The following COL25A1 variants were observed in gnomAD, a reference collection of about 807,000 sequenced individuals.
COL25A1 encodes the protein collagen alpha-1(XXV) chain.
Under a neutral mutation model 128.4 loss-of-function variants are expected in COL25A1, and 103 were observed. That is an observed-to-expected ratio of 0.80 (90% CI 0.68 to 0.94). COL25A1 has a LOEUF of 0.94. COL25A1 is among the 40% of genes least tolerant of loss of function. The pLI, the probability that COL25A1 is intolerant of heterozygous loss-of-function variation, is 0.00. For missense variants in COL25A1, 745 were observed against 840.0 expected, an observed-to-expected ratio of 0.89 and a Z score of 1.40; for synonymous variants, 279 against 277.2, an observed-to-expected ratio of 1.01 and a Z score of -0.06.
chr4:109,085,408 C>T (rs1011666768), intron 3 of COL25A1, among the ~76,000 whole-genome samples: 2 of 152,112 alleles, frequency 1.3e-5, no homozygotes, highest in Non-Finnish European at 2.9e-5. Flanking sequence ...GTCTATTCTG[C>T]GATATATCTT....
At chr4:109,256,085 G>GGGGTGT (rs369220694) in intron 3 of COL25A1, among the ~76,000 whole-genome samples, 4 of 143,240 alleles carry the variant, frequency 2.8e-5, no homozygotes, top group African/African-American at 5.3e-5. Flanking sequence ...TTTAAGCATT[G>GGGGTGT]GTGTGTGTGT....
At chr4:109,192,740 G>A (rs1775720584) in intron 3 of COL25A1, among the ~76,000 whole-genome samples, 1 of 152,034 alleles carries the variant, frequency 6.6e-6, no homozygotes, top group Non-Finnish European at 1.5e-5. Context: ...TGTAGTACCA[G>A]CTACTCAGAA....
rs548615774 is a variant in COL25A1, at chr4:109,195,758, A to G, written c.367+104825T>C. On this transcript the variant is annotated intron_variant, in intron 3 of 37. Transcript: ENST00000399132. ...GTTTTACTGGGTCCCACATGCTGTG[A>G]TATTTTCAAACCCACATGCATCCAC... Among the ~76,000 whole-genome samples the G allele has an allele frequency of 2.6e-5, 4 of 152,336 alleles. No homozygotes were observed. In the East Asian group the frequency reaches 7.7e-4, roughly 29 times the overall value.
chr4:109,050,667 A>C (rs1403643089), intron 3 of COL25A1, among the ~76,000 whole-genome samples: 1 of 152,094 alleles, frequency 6.6e-6, no homozygotes, highest in African/African-American at 2.4e-5. Context: ...GTAATGGAAA[A>C]TAATCCTTAC....
chr4:109,238,712 C>A (rs1779630830), intron 3 of COL25A1, among the ~76,000 whole-genome samples: 1 of 152,050 alleles, frequency 6.6e-6, no homozygotes, highest in African/African-American at 2.4e-5. Context: ...CTGCCTCTCA[C>A]AGCAGCTCTG....
Position 109,301,846 on chromosome 4 carries a change from G to T in COL25A1, c.174C>A (p.Asp58Glu). Residue 58 changes from aspartate to glutamate, a missense_variant, in exon 2 of 38, where the codon GAC becomes GAA. This residue lies in a region of COL25A1 where 319 missense variants were observed against 324.9 expected (regional missense o/e 0.98). Transcript: ENST00000399132. ...SCLYLGVKTNDLQARIAALES... is the reference protein window; with the variant it reads ...SCLYLGVKTNELQARIAALES... ...CGAGAGCGGCGATCCTCGCCTGGAG[G>T]TCGTTGGTTTTCACACCCAGGTACA... 6.2e-7 allele frequency: 1 copy of T among 1,614,238 alleles called. No individual in the cohort carries two copies. Among genetic ancestry groups the T allele is most frequent in the Non-Finnish European group, 8.5e-7 (1 of 1,180,052 alleles).
chr4:109,006,378 A>ATTTTTTTTTTTTTTTTTTTT lies in COL25A1; in HGVS notation c.438+3960_438+3979dup, dbSNP rs56845799. Among the ~76,000 whole-genome samples the ATTTTTTTTTTTTTTTTTTTT allele has an allele frequency of 1.0e-3, 52 of 51,876 alleles. 2 individuals are homozygous for ATTTTTTTTTTTTTTTTTTTT. The highest frequency in any genetic ancestry group is 1.6e-3 in the African/African-American group (20 of 12,768). 34.0% of individuals were successfully genotyped at this position (51,876 alleles called of 152,430 possible). On this transcript the variant is annotated intron_variant, in intron 6 of 37. Transcript: ENST00000399132. ...AGGTGTGCACTGCCACACCCAGCTA[A>ATTTTTTTTTTTTTTTTTTTT]TTTTTTTTTTTTTTTTTTTTTTTTT... is the stretch of plus-strand genomic sequence containing the variant.
chr4:109,083,602 G>T (rs1455695371), intron 3 of COL25A1, among the ~76,000 whole-genome samples: 2 of 151,472 alleles, frequency 1.3e-5, no homozygotes, highest in Non-Finnish European at 2.9e-5. Context: ...AGCTGGGACT[G>T]CAGGCACCCG....
intron 3 of COL25A1, among the ~76,000 whole-genome samples, chr4:109,265,196 C>A (rs1175889522): frequency 6.6e-6 from 1 of 152,134 alleles, no homozygotes; most frequent in Non-Finnish European, 1.5e-5. Context: ...GTTTTCAGGG[C>A]AAACCGTGAG....
chr4:109,066,661 C>T (rs549357715), intron 3 of COL25A1, among the ~76,000 whole-genome samples: 1 of 152,210 alleles, frequency 6.6e-6, no homozygotes, highest in Admixed American at 6.5e-5. Flanking sequence ...AAATTCCTTT[C>T]TTCCTTTTTT....
chr4:108,893,317 C>A, intron 16 of COL25A1, among the ~76,000 whole-genome samples: 1 of 152,262 alleles, frequency 6.6e-6, no homozygotes. Flanking sequence ...ATTTAGTGTG[C>A]AGCACAAATA....
At chr4:108,954,036 C>A (rs527852491) in intron 8 of COL25A1, among the ~76,000 whole-genome samples, 1 of 152,124 alleles carries the variant, frequency 6.6e-6, no homozygotes, top group South Asian at 2.1e-4. Context: ...GATTGTTATA[C>A]ACTATCTCTA....
At chr4:108,933,709 C>T (rs1390461907) in intron 11 of COL25A1, among the ~76,000 whole-genome samples, 1 of 152,060 alleles carries the variant, frequency 6.6e-6, no homozygotes, top group Admixed American at 6.6e-5. Context: ...TGCTTCTCAC[C>T]ATAACCCAGT....
chr4:108,892,072 C>G (rs1741572059), intron 16 of COL25A1, among the ~76,000 whole-genome samples: 1 of 147,532 alleles, frequency 6.8e-6, no homozygotes, highest in African/African-American at 2.5e-5. Context: ...TGCTGGAAGA[C>G]AGTCATAAGT....
rs776941019 is a variant in COL25A1 at position 109,057,421 on chromosome 4, A to ATTTTTTTTTTTTTTTTTTTTT, written c.368-7263_368-7243dup. Reference sequence around the variant, plus strand: ...TAGCTGGGACCACCATGCCTAGCTAATTTTTTTTTTTTTTTTTTTTTTTTT... The same window carrying ATTTTTTTTTTTTTTTTTTTTT: ...TAGCTGGGACCACCATGCCTAGCTAATTTTTTTTTTTTTTTTTTTTTTTTTTTTTTTTTTTTTTTTTTTTTT... On this transcript the variant is annotated intron_variant, in intron 3 of 37. Coordinates refer to ENST00000399132, the MANE Select transcript of COL25A1 (RefSeq NM_198721.4). 1.9e-3 allele frequency among the ~76,000 whole-genome samples: 39 copies of ATTTTTTTTTTTTTTTTTTTTT among 20,238 alleles called. 6 individuals carry two copies. The highest frequency in any genetic ancestry group is 2.3e-3 in the Non-Finnish European group (26 of 11,478). 13.3% of individuals were successfully genotyped at this position (20,238 alleles called of 152,430 possible).
intron 6 of COL25A1, among the ~76,000 whole-genome samples, chr4:108,980,790 A>C (rs1752898478): frequency 6.6e-6 from 1 of 152,210 alleles, no homozygotes. Context: ...TCTTTTAAAG[A>C]TAAAGAAGAT....
intron 3 of COL25A1, among the ~76,000 whole-genome samples, chr4:109,107,239 C>A (rs1013148666): frequency 6.6e-6 from 1 of 152,086 alleles, no homozygotes; most frequent in Non-Finnish European, 1.5e-5. Flanking sequence ...CCTGTCTCCA[C>A]AAAATGCCTA....
At chr4:109,173,052 A>G (rs1374007855) in intron 3 of COL25A1, among the ~76,000 whole-genome samples, 1 of 152,158 alleles carries the variant, frequency 6.6e-6, no homozygotes, top group Non-Finnish European at 1.5e-5. Flanking sequence ...ACTTCTTACA[A>G]TTGGACATTA....
chr4:109,270,482 A>G (rs1782120310), intron 3 of COL25A1, among the ~76,000 whole-genome samples: 1 of 152,188 alleles, frequency 6.6e-6, no homozygotes, highest in Non-Finnish European at 1.5e-5. Flanking sequence ...TGCTTCAAAG[A>G]GAATAAAATA....
Sources: allele counts gnomAD v4.1 joint callset (sites outside exome capture counted in the v4.1 genomes callset), GRCh38; gene constraint gnomAD v4.1.1; regional missense constraint gnomAD v4.1.1; transcripts MANE v1.5; gene names NCBI Gene and HGNC (gene_info 2026-07-23, HGNC 2026-07-21).